Variants in BAHCC1 observed in about 807,000 individuals in gnomAD.
BAHCC1 encodes BAH domain and coiled-coil containing 1, also known as BAH and coiled-coil domain-containing protein 1.
In BAHCC1, 43 loss-of-function variants were observed where a neutral mutation model predicts 88.2. The observed-to-expected ratio is 0.49, with a 90% confidence interval of 0.38 to 0.63. The LOEUF is 0.63. Among genes scored for constraint, BAHCC1 ranks in the 20% least tolerant of loss-of-function variants. The pLI is 0.00. For synonymous variants in BAHCC1, 1,510 were observed against 745.5 expected (o/e 2.03, Z -16.71); for missense variants, 3,023 against 1,654.8 (o/e 1.83, Z -14.34).
intron 23 of BAHCC1, 51 bp downstream of exon 23, chr17:81,459,655 G>A (rs2030069373): frequency 1.2e-5 from 9 of 776,894 alleles, no homozygotes; most frequent in Middle Eastern, 2.3e-4. Context: ...GAGACCCACA[G>A]GCTCATATCT....
At chr17:81,463,539 T>C in intron 27 of BAHCC1, 72 bp from the exon 28 acceptor site, 1 of 760,900 alleles carries the variant, frequency 1.3e-6, no homozygotes, top group Non-Finnish European at 2.4e-6. Flanking sequence ...GGTGGGCGGG[T>C]GGTCTTTCCT....
In BAHCC1 at chr17:81,399,462, G is replaced by A. The variant is rs1184355598; in HGVS notation, c.-206-72G>A. 7.5e-5 allele frequency: 13 copies of A among 174,080 alleles called. No individual in the cohort carries two copies. The highest frequency in any genetic ancestry group is 2.7e-4 in the African/African-American group (11 of 41,200). 10.8% of individuals were successfully genotyped at this position (174,080 alleles called of 1,614,324 possible). The stretch of plus-strand genomic sequence containing the variant: ...TGGGGGGTGGGGGGAGTGGGTGAGC[G>A]GGCGGGGCGGGGACCCCCGGGCGAG... On this transcript the variant is annotated intron_variant, in intron 1 of 27. Transcript: ENST00000675386. This position sits in a 1 kb window ranked among gnomAD's most constrained non-coding sequence, Gnocchi z 4.5.
chr17:81,455,150 C>G, intron 14 of BAHCC1, 117 bp from the exon 15 acceptor site: 1 of 636,090 alleles, frequency 1.6e-6, no homozygotes. Flanking sequence ...CTGCCCGAGA[C>G]GTGGGGCCCT....
Position 81,451,791 on chromosome 17 carries a change from A to G in BAHCC1, c.4100A>G (p.Asn1367Ser). 1 of 764,382 alleles carries G rather than the reference A, an allele frequency of 1.3e-6. No individual in the cohort carries two copies. The highest frequency in any genetic ancestry group is 2.4e-5 in the East Asian group (1 of 41,016). 47.3% of individuals were successfully genotyped at this position (764,382 alleles called of 1,614,324 possible). A position where few individuals can be genotyped will look rare whatever the true frequency, so the allele number is the denominator to read the frequency against. Residue 1367 changes from asparagine to serine, a missense_variant, in exon 12 of 28, where the codon AAC becomes AGC. Asn to Ser is a conservative substitution (Grantham distance 46, BLOSUM62 1). Transcript: ENST00000675386. ...GCCCCAGCGCAGCCGCCCACAGCCA[A>G]CCCCTGCAGCGGCCCCAGGCTCACC... ...STAPAQPPTANPCSGPRLTPR... is the reference protein window; with the variant it reads ...STAPAQPPTASPCSGPRLTPR...
rs537161190 is a variant in BAHCC1, at chr17:81,458,479, T to G, written c.5343+13T>G. 1 of 695,482 alleles carries G rather than the reference T, an allele frequency of 1.4e-6. No homozygotes were observed. The highest frequency in any genetic ancestry group is 1.6e-5 in the South Asian group (1 of 64,174). The allele number at this position is 695,482 out of a possible 1,614,324, so 43.1% of individuals were successfully genotyped here. A position where few individuals can be genotyped will look rare whatever the true frequency, so the allele number is the denominator to read the frequency against. On this transcript the variant is annotated intron_variant, in intron 18 of 27. Transcript: ENST00000675386. ...GCCAGTGCTGCGGGTGAGGCTGGGC[T>G]CTGGGGTGCTGGGCGGAGAGGGTGG...
In BAHCC1 at chr17:81,399,704, C is replaced by T. The variant is rs2063788590; in HGVS notation, c.-36C>T. ...CCCCCGGGCCCCGGCCGCGCTGCTC[C>T]GAGGAAGCGGCGGCGGACCGGGGCC... is the stretch of plus-strand genomic sequence containing the variant. On this transcript the variant is annotated 5_prime_UTR_variant, in exon 2 of 28. Coordinates refer to ENST00000675386, the MANE Select transcript of BAHCC1 (RefSeq NM_001377448.1). This position sits in a 1 kb window ranked among gnomAD's most constrained non-coding sequence, Gnocchi z 4.5. 1 of 1,010,138 alleles carries T rather than the reference C, an allele frequency of 9.9e-7. No homozygotes were observed. The highest frequency in any genetic ancestry group is 1.2e-6 in the Non-Finnish European group (1 of 848,490). 62.6% of individuals were successfully genotyped at this position (1,010,138 alleles called of 1,614,324 possible).
intron 2 of BAHCC1, among the ~76,000 whole-genome samples, chr17:81,404,506 C>T (rs1255449150): frequency 6.6e-6 from 1 of 152,186 alleles, no homozygotes; most frequent in African/African-American, 2.4e-5. Context: ...GTCATTGTCC[C>T]CTGAGAAGCA....
chr17:81,453,011 G>A (rs1449960734), intron 14 of BAHCC1, among the ~76,000 whole-genome samples, 160 bp downstream of exon 14: 2 of 152,106 alleles, frequency 1.3e-5, no homozygotes, highest in East Asian at 3.9e-4. Flanking sequence ...CATCGAGAGT[G>A]ACCAGCAGAC....
intron 2 of BAHCC1, among the ~76,000 whole-genome samples, chr17:81,423,067 C>T (rs551023019): frequency 1.3e-5 from 2 of 152,148 alleles, no homozygotes; most frequent in South Asian, 2.1e-4. Context: ...CCCTGGCTCG[C>T]GGGCACCTTC....
At chr17:81,454,151 G>A (rs1250095329) in intron 14 of BAHCC1, among the ~76,000 whole-genome samples, 1 of 152,218 alleles carries the variant, frequency 6.6e-6, no homozygotes, top group African/African-American at 2.4e-5. Context: ...CAGGCAGAGA[G>A]ACTCCCCAAG....
intron 11 of BAHCC1, among the ~76,000 whole-genome samples, chr17:81,448,229 C>T (rs369006693): frequency 2.2e-4 from 34 of 152,334 alleles, no homozygotes; most frequent in African/African-American, 6.5e-4. Context: ...TCAGCCTCCA[C>T]GGCTGCTACC....
rs782264698 is a variant in BAHCC1, at chr17:81,444,539, C to T, written c.2483C>T (p.Pro828Leu). Residue 828 changes from proline (P) to leucine (L), a missense_variant, in exon 7 of 28, where the codon CCC becomes CTC. Physicochemically the swap from Pro to Leu is moderately conservative, Grantham distance 98. Coordinates refer to ENST00000675386, the MANE Select transcript of BAHCC1 (RefSeq NM_001377448.1). ...HPPWLPRTRS[P>L]SLWMGGHSYG... ...CCCTGGCTGCCCCGCACCCGCAGCC[C>T]CTCCCTGTGGATGGGGGGGCACTCC... The T allele has an allele frequency of 5.6e-6, 4 of 712,100 alleles. No homozygotes were observed. The Admixed American group carries it at 7.7e-5, about 14-fold the overall frequency. The allele number at this position is 712,100 out of a possible 1,614,324, so 44.1% of individuals were successfully genotyped here.
At chr17:81,416,618 G>A (rs2143314295) in intron 2 of BAHCC1, among the ~76,000 whole-genome samples, 1 of 151,120 alleles carries the variant, frequency 6.6e-6, no homozygotes. Flanking sequence ...GTACGTGTGT[G>A]TGTCCATGAG....
chr17:81,461,600 C>T lies in BAHCC1; in HGVS notation c.6937C>T (p.Arg2313Cys), dbSNP rs1163257997. 6.8e-6 allele frequency: 5 copies of T among 731,906 alleles called. No homozygotes were observed. The highest frequency in any genetic ancestry group is 2.6e-5 in the East Asian group (1 of 38,792). 45.3% of individuals were successfully genotyped at this position (731,906 alleles called of 1,614,324 possible). ...AAGVPSRFLARLSVSSSSSGS... is the reference protein window; with the variant it reads ...AAGVPSRFLACLSVSSSSSGS... ...CGGCGTGCCCTCCCGCTTCCTCGCC[C>T]GCCTGTCCGTGTCCTCTTCCTCCTC... The change falls in exon 26 of 28, where the codon CGC (arginine) becomes TGC (cysteine). Residue 2313 changes from arginine (R) to cysteine (C), a missense_variant. By Grantham distance (180) the Arg-to-Cys change is radical. Coordinates refer to ENST00000675386, the MANE Select transcript of BAHCC1 (RefSeq NM_001377448.1).
intron 14 of BAHCC1, among the ~76,000 whole-genome samples, chr17:81,453,272 A>G (rs1452139461): frequency 6.6e-6 from 1 of 152,090 alleles, no homozygotes; most frequent in Non-Finnish European, 1.5e-5. Context: ...GTTATTATCC[A>G]TTACCCGCCC....
chr17:81,428,257 T>C (rs1177799671), intron 3 of BAHCC1, among the ~76,000 whole-genome samples: 1 of 152,170 alleles, frequency 6.6e-6, no homozygotes, highest in African/African-American at 2.4e-5. Flanking sequence ...CTGGCTCATA[T>C]GCCCCACCCC....
intron 2 of BAHCC1, among the ~76,000 whole-genome samples, chr17:81,406,078 A>G (rs2096933360): frequency 6.6e-6 from 1 of 152,216 alleles, no homozygotes; most frequent in Admixed American, 6.5e-5. Context: ...GACACCCTCA[A>G]ACAACAGAAG....
chr17:81,436,606 G>T (rs141455894), intron 3 of BAHCC1, among the ~76,000 whole-genome samples: 1 of 144,972 alleles, frequency 6.9e-6, no homozygotes. Flanking sequence ...GCCCCAGGTC[G>T]CTCCCACCCC....
intron 2 of BAHCC1, among the ~76,000 whole-genome samples, chr17:81,406,318 C>T (rs1033224526): frequency 1.1e-4 from 16 of 152,206 alleles, no homozygotes; most frequent in African/African-American, 2.7e-4. Context: ...ACTCAGAGCA[C>T]GCCCCTGTCT....
Sources: gnomAD v4.1 joint callset for allele counts (sites outside exome capture counted in the v4.1 genomes callset) on GRCh38, gnomAD v4.1.1 for gene constraint, Gnocchi (gnomAD v3.1) non-coding constraint, MANE v1.5 for transcripts, NCBI Gene and HGNC (gene_info 2026-07-23, HGNC 2026-07-21) for gene names.